The following TECPR2 variants were observed in gnomAD, a reference collection of about 807,000 sequenced individuals.
TECPR2 encodes the protein tectonin beta-propeller repeat containing 2, also known as tectonin beta-propeller repeat-containing protein 2.
TECPR2 carries 65 observed loss-of-function variants against 138.1 expected under a neutral mutation model. That is an observed-to-expected ratio of 0.47 (90% confidence interval 0.39 to 0.58). TECPR2 has a LOEUF of 0.58. TECPR2 is among the 20% of genes least tolerant of loss of function. TECPR2 has a pLI of 0.00. For synonymous variants in TECPR2, 746 were observed against 749.8 expected, an observed-to-expected ratio of 0.99 and a Z score of 0.08; for missense variants, 1,553 against 1,824.5, an observed-to-expected ratio of 0.85 and a Z score of 2.71.
At chr14:102,398,251 A>T (rs1023902775) in intron 2 of TECPR2, among the ~76,000 whole-genome samples, 1 of 152,168 alleles carries the variant, frequency 6.6e-6, no homozygotes, top group Non-Finnish European at 1.5e-5. Flanking sequence ...GGCAGATTTG[A>T]GTAGGCAGAT....
intron 8 of TECPR2, 58 bp from the exon 9 acceptor site, chr14:102,434,177 G>A: frequency 7.6e-7 from 1 of 1,322,274 alleles, no homozygotes; most frequent in Non-Finnish European, 9.7e-7. Context: ...GTGCAAGTTA[G>A]TCTCTTACTA....
chr14:102,395,488 A>G (rs1888291002), intron 2 of TECPR2, among the ~76,000 whole-genome samples: 1 of 152,242 alleles, frequency 6.6e-6, no homozygotes. Flanking sequence ...CAATGCTTAT[A>G]CATGTGCTTT....
chr14:102,446,969 A>G (rs896673348), intron 13 of TECPR2, among the ~76,000 whole-genome samples: 1 of 152,170 alleles, frequency 6.6e-6, no homozygotes, highest in Non-Finnish European at 1.5e-5. Context: ...ACCCAGAATT[A>G]AAATTGAGCT....
chr14:102,393,893 A>G (rs1888247261), intron 2 of TECPR2, among the ~76,000 whole-genome samples: 1 of 152,168 alleles, frequency 6.6e-6, no homozygotes, highest in Non-Finnish European at 1.5e-5. Flanking sequence ...ATTCATTCAG[A>G]AAAATTTCAC....
At chr14:102,436,125 C>T (rs1380414829) in intron 9 of TECPR2, among the ~76,000 whole-genome samples, 3 of 152,234 alleles carry the variant, frequency 2.0e-5, no homozygotes, top group South Asian at 2.1e-4. Flanking sequence ...CTCTTCTTGT[C>T]CCCATTTTAC....
intron 2 of TECPR2, among the ~76,000 whole-genome samples, chr14:102,381,764 G>T (rs777870244): frequency 4.6e-5 from 7 of 152,178 alleles, no homozygotes; most frequent in Non-Finnish European, 8.8e-5. Context: ...TGTACATCAA[G>T]AATGAAGAAT....
intron 17 of TECPR2, among the ~76,000 whole-genome samples, chr14:102,493,828 G>T (rs898155455): frequency 6.6e-6 from 1 of 152,220 alleles, no homozygotes; most frequent in Non-Finnish European, 1.5e-5. Flanking sequence ...GTGCATCTGA[G>T]GTTCTGCGTG....
At chr14:102,482,756 A>G (rs1041900583) in intron 17 of TECPR2, among the ~76,000 whole-genome samples, 1 of 150,342 alleles carries the variant, frequency 6.7e-6, no homozygotes. Flanking sequence ...TAGGTTGGAA[A>G]CCATTTTCCT....
At chr14:102,430,265 C>T (rs867406951) in intron 7 of TECPR2, among the ~76,000 whole-genome samples, 1 of 152,164 alleles carries the variant, frequency 6.6e-6, no homozygotes, top group Non-Finnish European at 1.5e-5. Context: ...TGAGCCACCG[C>T]GCCCAGCCTA....
intron 16 of TECPR2, among the ~76,000 whole-genome samples, chr14:102,455,399 G>A (rs1023343604): frequency 2.0e-5 from 3 of 152,166 alleles, no homozygotes; most frequent in African/African-American, 4.8e-5. Context: ...GGCCCCAGGC[G>A]GGCTCTGGAC....
At chr14:102,384,454 G>A (rs1345857536) in intron 2 of TECPR2, among the ~76,000 whole-genome samples, 1 of 151,390 alleles carries the variant, frequency 6.6e-6, no homozygotes, top group Non-Finnish European at 1.5e-5. Context: ...CAAGACAGGC[G>A]GATCACGAGG....
chr14:102,477,221 T>C (rs1467198287), intron 17 of TECPR2, among the ~76,000 whole-genome samples: 1 of 151,954 alleles, frequency 6.6e-6, no homozygotes, highest in African/African-American at 2.4e-5. Flanking sequence ...ACTACAAAAG[T>C]CAGCTGAGTG....
chr14:102,464,466 C>T (rs1890499265), intron 16 of TECPR2, among the ~76,000 whole-genome samples: 1 of 151,990 alleles, frequency 6.6e-6, no homozygotes, highest in South Asian at 2.1e-4. Flanking sequence ...CATCACAGGT[C>T]ACTGCAACCT....
intron 17 of TECPR2, among the ~76,000 whole-genome samples, chr14:102,477,670 C>T (rs1368790270): frequency 6.8e-6 from 1 of 146,408 alleles, no homozygotes; most frequent in Non-Finnish European, 1.5e-5. Context: ...CCTGCCTCAG[C>T]CTCCCAAGTA....
At chr14:102,489,863 T>C (rs761098146) in intron 17 of TECPR2, among the ~76,000 whole-genome samples, 88 of 152,090 alleles carry the variant, frequency 5.8e-4, no homozygotes, top group Non-Finnish European at 1.1e-3. Flanking sequence ...GCTCTTGCAC[T>C]CAGCACAGCT....
chr14:102,453,517 G>A (rs1329577003), intron 16 of TECPR2, among the ~76,000 whole-genome samples: 1 of 151,696 alleles, frequency 6.6e-6, no homozygotes, highest in Non-Finnish European at 1.5e-5. Flanking sequence ...GAAATGTAGT[G>A]CTGCTATTTG....
intron 16 of TECPR2, among the ~76,000 whole-genome samples, chr14:102,456,127 G>A (rs779811957): frequency 7.2e-5 from 11 of 152,158 alleles, no homozygotes; most frequent in Non-Finnish European, 1.5e-4. Flanking sequence ...GGGGCATCCC[G>A]TCTAAATGTT....
At chr14:102,442,042 A>G (rs141989442) in intron 11 of TECPR2, among the ~76,000 whole-genome samples, 6,382 of 152,204 alleles carry the variant, frequency 0.042, 160 homozygotes, top group Middle Eastern at 0.092. Context: ...GTAGTGGCAC[A>G]ATCTCGGCTC....
chr14:102,450,840 A>G (rs1459385666), intron 15 of TECPR2, among the ~76,000 whole-genome samples, 191 bp downstream of exon 15: 1 of 152,222 alleles, frequency 6.6e-6, no homozygotes, highest in Non-Finnish European at 1.5e-5. Context: ...CCTGACCAGG[A>G]GAGCCTCTGA....
Sources: allele counts gnomAD v4.1 joint callset (sites outside exome capture counted in the v4.1 genomes callset), GRCh38; gene constraint gnomAD v4.1.1; transcripts MANE v1.5; gene names NCBI Gene and HGNC (gene_info 2026-07-23, HGNC 2026-07-21).